Variants in SPAG16 observed in about 807,000 individuals in gnomAD.
SPAG16 encodes the protein sperm-associated antigen 16 protein.
Under a neutral mutation model 80.4 loss-of-function variants are expected in SPAG16, and 86 were observed. The observed-to-expected ratio is 1.07, with a 90% CI of 0.90 to 1.28. The LOEUF (loss-of-function observed/expected upper bound fraction) is 1.28, where lower values mean the gene tolerates loss of function less well. Among genes scored for constraint, SPAG16 ranks in the 50% most tolerant of loss-of-function variants. The pLI is 0.00. For missense variants in SPAG16, 870 were observed against 765.3 expected (o/e 1.14, Z -1.61); for synonymous variants, 294 against 265.9 (o/e 1.11, Z -1.03).
intron 9 of SPAG16, among the ~76,000 whole-genome samples, chr2:213,473,567 A>T (rs914740523): frequency 3.3e-5 from 5 of 152,058 alleles, no homozygotes; most frequent in Non-Finnish European, 7.4e-5. Context: ...TCTATATTAA[A>T]CCAAGGGAGA....
intron 11 of SPAG16, among the ~76,000 whole-genome samples, chr2:213,907,242 A>G (rs549173163): frequency 1.1e-4 from 17 of 152,322 alleles, no homozygotes; most frequent in African/African-American, 4.1e-4. Flanking sequence ...ATATTTTAAA[A>G]GAAGATGTAC....
intron 7 of SPAG16, among the ~76,000 whole-genome samples, chr2:213,352,316 C>G (rs1384287104): frequency 1.3e-5 from 2 of 152,114 alleles, no homozygotes; most frequent in African/African-American, 4.8e-5. Context: ...TTCAGAATTT[C>G]ATACCCTTGC....
intron 1 of SPAG16, among the ~76,000 whole-genome samples, chr2:213,294,009 A>G (rs1314016435): frequency 2.6e-5 from 4 of 152,218 alleles, no homozygotes; most frequent in African/African-American, 4.8e-5. Flanking sequence ...TTACTGTGCT[A>G]TACATTAGGT....
chr2:213,803,137 A>C (rs1474503885), intron 10 of SPAG16, among the ~76,000 whole-genome samples: 1 of 152,210 alleles, frequency 6.6e-6, no homozygotes, highest in Admixed American at 6.5e-5. Flanking sequence ...TAATTCCAAG[A>C]AATGTATGTA....
intron 15 of SPAG16, among the ~76,000 whole-genome samples, chr2:214,350,984 T>C (rs1698363873): frequency 1.3e-5 from 2 of 152,104 alleles, no homozygotes. Context: ...TGACCAGATA[T>C]TCCACCTGAC....
At chr2:213,507,835 T>G (rs2075028743) in intron 10 of SPAG16, among the ~76,000 whole-genome samples, 1 of 152,264 alleles carries the variant, frequency 6.6e-6, no homozygotes, top group Non-Finnish European at 1.5e-5. Flanking sequence ...AAGGCGGGTC[T>G]GCTTCAGCTC....
chr2:214,196,596 T>G (rs1019846694), intron 15 of SPAG16, among the ~76,000 whole-genome samples: 1 of 152,006 alleles, frequency 6.6e-6, no homozygotes, highest in African/African-American at 2.4e-5. Flanking sequence ...CAGAAGGTGC[T>G]CAGAAACTGC....
chr2:214,309,850 A>G (rs1234201946), intron 15 of SPAG16, among the ~76,000 whole-genome samples: 1 of 152,150 alleles, frequency 6.6e-6, no homozygotes, highest in East Asian at 1.9e-4. Flanking sequence ...AGCATTCACC[A>G]CAGTGGTAGA....
intron 11 of SPAG16, among the ~76,000 whole-genome samples, chr2:213,872,609 A>G (rs2075996184): frequency 6.6e-6 from 1 of 152,084 alleles, no homozygotes; most frequent in African/African-American, 2.4e-5. Context: ...CTCTGGCTCG[A>G]ACCTCCAGTG....
chr2:214,236,065 T>C (rs1220831198), intron 15 of SPAG16, among the ~76,000 whole-genome samples: 2 of 152,178 alleles, frequency 1.3e-5, no homozygotes, highest in Non-Finnish European at 2.9e-5. Flanking sequence ...GTAAATATAT[T>C]TATTTCATTC....
intron 15 of SPAG16, among the ~76,000 whole-genome samples, chr2:214,403,352 T>C (rs1270661508): frequency 6.7e-6 from 1 of 148,570 alleles, no homozygotes; most frequent in Non-Finnish European, 1.5e-5. Flanking sequence ...TATTTATATA[T>C]GAGATATATA....
At chr2:213,509,562 T>G (rs2075133459) in intron 10 of SPAG16, among the ~76,000 whole-genome samples, 1 of 152,172 alleles carries the variant, frequency 6.6e-6, no homozygotes, top group Non-Finnish European at 1.5e-5. Flanking sequence ...AATACCAAAA[T>G]GTACGGGATA....
chr2:213,951,480 C>G (rs1357681596), intron 12 of SPAG16, among the ~76,000 whole-genome samples: 1 of 152,090 alleles, frequency 6.6e-6, no homozygotes, highest in Non-Finnish European at 1.5e-5. Context: ...CATGATTTCT[C>G]CTGTTCTCAA....
chr2:214,112,920 T>C (rs1056260316), intron 14 of SPAG16, among the ~76,000 whole-genome samples: 12 of 152,210 alleles, frequency 7.9e-5, no homozygotes, highest in Non-Finnish European at 1.8e-4. Flanking sequence ...ATATCATCGA[T>C]GGTCTTTACA....
chr2:214,152,523 A>G (rs2056021948), intron 15 of SPAG16, among the ~76,000 whole-genome samples: 1 of 152,144 alleles, frequency 6.6e-6, no homozygotes, highest in African/African-American at 2.4e-5. Context: ...CAGCATCTTC[A>G]TCTACTGTAG....
At chr2:213,364,246 G>T in intron 8 of SPAG16, 101 bp downstream of exon 8, 1 of 533,384 alleles carries the variant, frequency 1.9e-6, no homozygotes, top group Non-Finnish European at 3.0e-6. Context: ...GTGAGTAAGT[G>T]GTGGCTATTT....
At position 213,411,796 on chromosome 2, in the gene SPAG16, C is replaced by T. The variant is rs760678443; in HGVS notation, c.942+36677C>T. Among the ~76,000 whole-genome samples the T allele has an allele frequency of 3.3e-5, 5 of 151,908 alleles. No homozygotes were observed. In the East Asian group the frequency reaches 5.8e-4, roughly 18 times the overall value. ...ACATCCGTAAGTAGATGCAGAGGCT[C>T]ATAAAAACGGCACTTACTAAAACCT... On this transcript the variant is annotated intron_variant, in intron 9 of 15. Transcript: ENST00000331683.
chr2:214,105,315 T>C (rs1010847764), intron 13 of SPAG16, among the ~76,000 whole-genome samples: 2 of 152,200 alleles, frequency 1.3e-5, no homozygotes, highest in Non-Finnish European at 2.9e-5. Flanking sequence ...AGCATTTCAA[T>C]AGTATATGAC....
chr2:213,680,266 G>T (rs1398491495), intron 10 of SPAG16, among the ~76,000 whole-genome samples: 1 of 152,078 alleles, frequency 6.6e-6, no homozygotes, highest in Non-Finnish European at 1.5e-5. Context: ...AAGGAGCCTT[G>T]TTTGGCTGGG....
Sources: allele counts gnomAD v4.1 joint callset (sites outside exome capture counted in the v4.1 genomes callset), GRCh38; gene constraint gnomAD v4.1.1; transcripts MANE v1.5; gene names NCBI Gene and HGNC (gene_info 2026-07-23, HGNC 2026-07-21).